RFLNA: variants seen among roughly 807,000 people sequenced by gnomAD.
RFLNA encodes refilin A.
Under a neutral mutation model 7.8 loss-of-function variants are expected in RFLNA, and 5 were observed. The observed-to-expected ratio is 0.64, with a 90% CI of 0.34 to 1.35. The LOEUF (loss-of-function observed/expected upper bound fraction) is 1.35. Among genes scored for constraint, RFLNA ranks in the 40% most tolerant of loss-of-function variants. The pLI, the probability that RFLNA is intolerant of heterozygous loss-of-function variation, is 0.04. For synonymous variants in RFLNA, 141 were observed against 131.3 expected, an observed-to-expected ratio of 1.07 and a Z score of -0.50; for missense variants, 278 against 305.5, an observed-to-expected ratio of 0.91 and a Z score of 0.67.
At chr12:124,312,712 C>T (rs933928951) in intron 2 of RFLNA, among the ~76,000 whole-genome samples, 1 of 152,204 alleles carries the variant, frequency 6.6e-6, no homozygotes, top group Admixed American at 6.5e-5. Context: ...CCAGCTGCTC[C>T]ATGTTCTTTG....
chr12:124,314,081 C>T, intron 2 of RFLNA, 111 bp from the exon 3 acceptor site: 1 of 1,359,652 alleles, frequency 7.4e-7, no homozygotes, highest in South Asian at 1.5e-5. Context: ...CAGCCCACAC[C>T]CGTTAGGCTT....
In RFLNA at chr12:124,308,134, A is replaced by G. The variant is rs531022392; in HGVS notation, c.208-3684A>G. On this transcript the variant is annotated intron_variant, in intron 1 of 2. Coordinates refer to ENST00000546355, the MANE Select transcript of RFLNA (RefSeq NM_001365156.1). Reference sequence around the variant, plus strand: ...GTAGCTGGGACTACAGGCGTGCACCACCATACCTGGCTAATTTTTGTATTT... The same window carrying G: ...GTAGCTGGGACTACAGGCGTGCACCGCCATACCTGGCTAATTTTTGTATTT... Among the ~76,000 whole-genome samples, 20 of 152,006 alleles carry G rather than the reference A, an allele frequency of 1.3e-4. No homozygotes were observed. The East Asian group carries it at 3.7e-3, about 28-fold the overall frequency.
chr12:124,300,693 T>C (rs565589288), intron 1 of RFLNA, among the ~76,000 whole-genome samples: 8 of 146,704 alleles, frequency 5.5e-5, no homozygotes, highest in African/African-American at 1.8e-4. Flanking sequence ...GGCAAATAGA[T>C]AGAAGGATGG....
chr12:124,303,649 C>T (rs927396525), intron 1 of RFLNA, among the ~76,000 whole-genome samples: 1 of 152,194 alleles, frequency 6.6e-6, no homozygotes, highest in African/African-American at 2.4e-5. Flanking sequence ...GGATGCTGAG[C>T]CCCCCAGGAA....
intron 1 of RFLNA, among the ~76,000 whole-genome samples, chr12:124,310,334 G>A (rs1028288975): frequency 1.3e-5 from 2 of 151,908 alleles, no homozygotes; most frequent in African/African-American, 4.8e-5. Flanking sequence ...GAGGGGAAAG[G>A]CCTGTGAGGC....
At chr12:124,296,873 A>T (rs751762978) in intron 1 of RFLNA, among the ~76,000 whole-genome samples, 5 of 152,206 alleles carry the variant, frequency 3.3e-5, no homozygotes, top group Admixed American at 6.5e-5. Flanking sequence ...TGTTCAGCAA[A>T]GTCTGGGAGT....
intron 1 of RFLNA, among the ~76,000 whole-genome samples, chr12:124,304,399 G>A (rs1302366649): frequency 1.3e-5 from 2 of 150,682 alleles, no homozygotes; most frequent in Admixed American, 6.6e-5. Context: ...TTTTTTCAGC[G>A]GGACCCTTTG....
At chr12:124,313,067 T>G (rs1321147827) in intron 2 of RFLNA, among the ~76,000 whole-genome samples, 1 of 152,190 alleles carries the variant, frequency 6.6e-6, no homozygotes, top group Admixed American at 6.5e-5. Context: ...AGTCCACTTC[T>G]AAATTATTTT....
chr12:124,300,511 T>C (rs1340224159), intron 1 of RFLNA, among the ~76,000 whole-genome samples: 3 of 151,800 alleles, frequency 2.0e-5, no homozygotes, highest in African/African-American at 7.3e-5. Flanking sequence ...TGAAACTGAG[T>C]ATGAGAGAGG....
At chr12:124,311,330 G>T (rs2034239671) in intron 1 of RFLNA, among the ~76,000 whole-genome samples, 1 of 120,366 alleles carries the variant, frequency 8.3e-6, no homozygotes, top group Non-Finnish European at 1.8e-5. Context: ...CCACCTGTGT[G>T]TTCCTCCCTG....
At chr12:124,298,295 GC>G (rs1011126330) in intron 1 of RFLNA, among the ~76,000 whole-genome samples, 1 of 151,906 alleles carries the variant, frequency 6.6e-6, no homozygotes, top group South Asian at 2.1e-4. Flanking sequence ...CATTAAAGAG[GC>G]CCCCCCACTT....
At chr12:124,311,976 G>A in intron 2 of RFLNA, 49 bp downstream of exon 2, 1 of 1,184,134 alleles carries the variant, frequency 8.4e-7, no homozygotes, top group Non-Finnish European at 1.2e-6. Flanking sequence ...GGGGGGTTGG[G>A]TGCTGGTCCT....
intron 1 of RFLNA, among the ~76,000 whole-genome samples, chr12:124,305,586 G>A (rs545743862): frequency 6.6e-6 from 1 of 152,188 alleles, no homozygotes; most frequent in Non-Finnish European, 1.5e-5. Flanking sequence ...TCCTGTGCCT[G>A]TTCTGGCTCC....
chr12:124,311,889 G>A lies in RFLNA; in HGVS notation c.279G>A (p.Glu93=), dbSNP rs1489755368. 1 of 1,596,688 alleles carries A rather than the reference G, an allele frequency of 6.3e-7. No homozygotes were observed. Among genetic ancestry groups the A allele is most frequent in the East Asian group, 2.4e-5 (1 of 42,540 alleles). The part of the protein sequence containing the change: ...RPRMLPVFFG[E]SIKVNPEPTH... ...GGATGCTGCCAGTGTTCTTTGGGGAGAGCATCAAGGTGAACCCGGAACCCA... is the reference window on the plus strand; with the variant it reads ...GGATGCTGCCAGTGTTCTTTGGGGAAAGCATCAAGGTGAACCCGGAACCCA... The change falls in exon 2 of 3, where the codon GAG becomes GAA. Residue 93 remains glutamate (E), a synonymous_variant. Coordinates refer to ENST00000546355, the MANE Select transcript of RFLNA (RefSeq NM_001365156.1).
intron 1 of RFLNA, 115 bp downstream of exon 1, chr12:124,295,751 C>G (rs966342806): frequency 2.7e-5 from 29 of 1,076,174 alleles, no homozygotes; most frequent in Non-Finnish European, 3.3e-5. Flanking sequence ...CTACCTGCCC[C>G]GCAACCACGA....
chr12:124,299,532 A>G (rs763570533), intron 1 of RFLNA, among the ~76,000 whole-genome samples: 15 of 152,116 alleles, frequency 9.9e-5, no homozygotes, highest in Non-Finnish European at 1.9e-4. Context: ...TGAGTCCCCA[A>G]AGTCCATTGT....
intron 1 of RFLNA, among the ~76,000 whole-genome samples, chr12:124,302,786 G>GGGGGCCGAGGTCA (rs2034061353): frequency 1.5e-4 from 5 of 33,028 alleles, no homozygotes; most frequent in Non-Finnish European, 4.4e-4. Context: ...GCCGAGGTCA[G>GGGGGCCGAGGTCA]GGGGCCGAGG....
At chr12:124,312,477 ATTTTTGTAT>A (rs1185663316) in intron 2 of RFLNA, among the ~76,000 whole-genome samples, 1 of 151,702 alleles carries the variant, frequency 6.6e-6, no homozygotes, top group Non-Finnish European at 1.5e-5. Context: ...TGGCCAGCTA[ATTTTTGTAT>A]TTTTTGTAGA....
chr12:124,308,473 A>G lies in RFLNA; in HGVS notation c.208-3345A>G, dbSNP rs1037187663. Among the ~76,000 whole-genome samples the G allele has an allele frequency of 1.3e-5, 2 of 152,180 alleles. 1 individual carries two copies. Among genetic ancestry groups the G allele is most frequent in the Admixed American group, 1.3e-4 (2 of 15,260 alleles). On this transcript the variant is annotated intron_variant, in intron 1 of 2. Transcript: ENST00000546355. ...CTACCCACACTGCCCTTGTCCTTGG[A>G]AAGCCACCTCTGGCCGTGTTTTTGG...
Sources: allele counts gnomAD v4.1 joint callset (sites outside exome capture counted in the v4.1 genomes callset), GRCh38; gene constraint gnomAD v4.1.1; transcripts MANE v1.5; gene names NCBI Gene and HGNC (gene_info 2026-07-23, HGNC 2026-07-21).